Variants in KSR2 observed in about 807,000 individuals in gnomAD.
KSR2 encodes the protein kinase suppressor of ras 2.
A neutral mutation model predicts 107.8 loss-of-function variants in KSR2; 25 were observed. The observed-to-expected ratio is 0.23, with a 90% CI of 0.17 to 0.32. KSR2 has a LOEUF of 0.32. Among genes scored for constraint, KSR2 ranks in the 10% least tolerant of loss-of-function variants. The pLI is 1.00. For missense variants in KSR2, 887 were observed against 1,268.9 expected, an observed-to-expected ratio of 0.70 and a Z score of 4.57; for synonymous variants, 480 against 507.0, an observed-to-expected ratio of 0.95 and a Z score of 0.71.
rs553187450 is a variant in KSR2, at chr12:117,458,672, G to A, written c.*8527C>T. 2 of 152,298 alleles carry A rather than the reference G, an allele frequency of 1.3e-5. No homozygotes were observed. Among genetic ancestry groups the A allele is most frequent in the South Asian group, 2.1e-4 (1 of 4,824 alleles). The allele number at this position is 152,298 out of a possible 1,614,324, so 9.4% of individuals were successfully genotyped here. On this transcript the variant is annotated 3_prime_UTR_variant, in exon 20 of 20. Coordinates refer to ENST00000339824, the MANE Select transcript of KSR2 (RefSeq NM_173598.6). The stretch of plus-strand genomic sequence containing the variant: ...AGTTGGATGGGGGATAAGTGAAGAC[G>A]AGAAGGAAAAGAAGAGGCAGTGGAC...
intron 5 of KSR2, among the ~76,000 whole-genome samples, chr12:117,603,015 CT>C: frequency 6.6e-6 from 1 of 152,214 alleles, no homozygotes; most frequent in Non-Finnish European, 1.5e-5. Flanking sequence ...AATTGAGGAA[CT>C]TTGCTTCCTT....
chr12:117,477,792 G>A (rs1418740911), intron 16 of KSR2, among the ~76,000 whole-genome samples: 1 of 152,210 alleles, frequency 6.6e-6, no homozygotes, highest in African/African-American at 2.4e-5. Context: ...CCAACTCCTT[G>A]CTGTTGGGCC....
chr12:117,895,129 C>T (rs1011831217), intron 1 of KSR2, among the ~76,000 whole-genome samples: 1 of 151,998 alleles, frequency 6.6e-6, no homozygotes, highest in Non-Finnish European at 1.5e-5. Context: ...TCCAGCTACT[C>T]GGGAGGCTGA....
chr12:117,748,089 G>GGT (rs60998595), intron 4 of KSR2, among the ~76,000 whole-genome samples: 49,256 of 151,864 alleles, frequency 0.32, 8,058 homozygotes, highest in East Asian at 0.42. Flanking sequence ...AAGAAAATGT[G>GGT]GTATATATAT....
rs541648121 is a variant in KSR2, at chr12:117,922,936, G to A, written c.180+45140C>T. Reference sequence around the variant, plus strand: ...TTTTCACGGTCATCTGGGGACATACGAACATACAGTGAAAAACATGAGCTG... The same window carrying A: ...TTTTCACGGTCATCTGGGGACATACAAACATACAGTGAAAAACATGAGCTG... On this transcript the variant is annotated intron_variant, in intron 1 of 19. Transcript: ENST00000339824. Among the ~76,000 whole-genome samples the A allele has an allele frequency of 2.6e-5, 4 of 152,246 alleles. No homozygotes were observed. In the South Asian group the frequency reaches 8.3e-4, roughly 32 times the overall value.
chr12:117,877,932 C>T (rs1893911279), intron 1 of KSR2, among the ~76,000 whole-genome samples: 1 of 152,186 alleles, frequency 6.6e-6, no homozygotes, highest in African/African-American at 2.4e-5. Context: ...GAGCTCAGAA[C>T]CACTGCATGG....
intron 3 of KSR2, among the ~76,000 whole-genome samples, chr12:117,812,725 A>AC (rs1891234770): frequency 1.3e-5 from 2 of 152,136 alleles, no homozygotes; most frequent in African/African-American, 4.8e-5. Flanking sequence ...TGTCCACAGT[A>AC]CCCAAAGTGA....
chr12:117,839,098 C>A (rs1892360331), intron 3 of KSR2, among the ~76,000 whole-genome samples: 1 of 152,232 alleles, frequency 6.6e-6, no homozygotes. Flanking sequence ...TATCTGATCA[C>A]TATCCCTCCC....
chr12:117,570,499 T>A (rs537362124), intron 7 of KSR2, among the ~76,000 whole-genome samples: 4 of 152,320 alleles, frequency 2.6e-5, no homozygotes, highest in African/African-American at 9.6e-5. Context: ...GTTGGCTGAT[T>A]CAGAAAATTC....
chr12:117,536,815 C>CTGTTT (rs2137274196), intron 10 of KSR2, among the ~76,000 whole-genome samples: 1 of 152,348 alleles, frequency 6.6e-6, no homozygotes, highest in African/African-American at 2.4e-5. Context: ...TCAGTTTTCA[C>CTGTTT]TGTTACAGTG....
chr12:117,586,964 T>C (rs1880042100), intron 5 of KSR2, among the ~76,000 whole-genome samples: 1 of 152,192 alleles, frequency 6.6e-6, no homozygotes, highest in Non-Finnish European at 1.5e-5. Flanking sequence ...CAATATGCAA[T>C]TGTCTAGAGC....
At chr12:117,528,311 T>C (rs1318168612) in intron 12 of KSR2, among the ~76,000 whole-genome samples, 1 of 152,124 alleles carries the variant, frequency 6.6e-6, no homozygotes, top group Admixed American at 6.5e-5. Context: ...GACTTGAGGA[T>C]GTGCATGTGT....
chr12:117,813,472 A>G (rs1232092748), intron 3 of KSR2, among the ~76,000 whole-genome samples: 1 of 152,210 alleles, frequency 6.6e-6, no homozygotes, highest in Non-Finnish European at 1.5e-5. Context: ...AAAAATGGGC[A>G]AAAGACCTAG....
intron 4 of KSR2, among the ~76,000 whole-genome samples, chr12:117,717,932 A>T (rs1324685758): frequency 2.0e-5 from 3 of 152,220 alleles, no homozygotes; most frequent in Non-Finnish European, 4.4e-5. Flanking sequence ...GGAGGAAGGC[A>T]GCTGGCCATA....
At chr12:117,794,106 T>TCACACCAACATACA (rs1890463169) in intron 3 of KSR2, among the ~76,000 whole-genome samples, 1 of 39,480 alleles carries the variant, frequency 2.5e-5, no homozygotes, top group Non-Finnish European at 4.9e-5. Flanking sequence ...ACATGCACAC[T>TCACACCAACATACA]CACACCAACA....
intron 4 of KSR2, among the ~76,000 whole-genome samples, chr12:117,736,320 T>C (rs990114716): frequency 6.6e-6 from 1 of 152,156 alleles, no homozygotes; most frequent in Non-Finnish European, 1.5e-5. Flanking sequence ...TTCTCTCCTT[T>C]AGTACTTCAT....
At chr12:117,672,174 T>C (rs1884938498) in intron 4 of KSR2, among the ~76,000 whole-genome samples, 1 of 152,116 alleles carries the variant, frequency 6.6e-6, no homozygotes, top group Non-Finnish European at 1.5e-5. Context: ...TGCCATTTCA[T>C]CCCACGCAAA....
At chr12:117,688,234 G>T (rs1016789971) in intron 4 of KSR2, among the ~76,000 whole-genome samples, 1 of 152,144 alleles carries the variant, frequency 6.6e-6, no homozygotes, top group South Asian at 2.1e-4. Flanking sequence ...ACAAAAACTG[G>T]CCAGGAATGG....
rs183378614 is a variant in KSR2 at position 117,763,883 on chromosome 12, C to T, written c.473-2359G>A. 2.0e-5 allele frequency among the ~76,000 whole-genome samples: 3 copies of T among 152,174 alleles called. No homozygotes were observed. In the East Asian group the frequency reaches 5.8e-4, roughly 29 times the overall value. On this transcript the variant is annotated intron_variant, in intron 3 of 19. Transcript: ENST00000339824. ...AGATGGAGAGAAGTCGGCCAGGTGT[C>T]AATGAAGGAAGACCCACCAGAACCC...
Sources: allele counts gnomAD v4.1 joint callset (sites outside exome capture counted in the v4.1 genomes callset), GRCh38; gene constraint gnomAD v4.1.1; transcripts MANE v1.5; gene names NCBI Gene and HGNC (gene_info 2026-07-23, HGNC 2026-07-21).